Variants in LUZP2 observed in about 807,000 individuals in gnomAD.
The protein encoded by LUZP2 is leucine zipper protein 2.
Under a neutral mutation model 51.6 loss-of-function variants are expected in LUZP2, and 52 were observed. The ratio of observed to expected loss-of-function variants is 1.01; its 90% CI spans 0.81 to 1.27. The LOEUF is 1.27. LUZP2 is among the 50% of genes most tolerant of loss of function. The pLI, the probability that LUZP2 is intolerant of heterozygous loss-of-function variation, is 0.00. For missense variants in LUZP2, 436 were observed against 395.4 expected (o/e 1.10, Z -0.87); for synonymous variants, 154 against 137.3 (o/e 1.12, Z -0.85).
intron 7 of LUZP2, among the ~76,000 whole-genome samples, chr11:24,972,955 G>A (rs1855786524): frequency 6.6e-6 from 1 of 151,914 alleles, no homozygotes; most frequent in Non-Finnish European, 1.5e-5. Flanking sequence ...GCATTGGGGA[G>A]GAGTCCTTCC....
intron 5 of LUZP2, among the ~76,000 whole-genome samples, chr11:24,811,962 T>G (rs2134137602): frequency 6.6e-6 from 1 of 152,214 alleles, no homozygotes. Flanking sequence ...CCTGAGAAAC[T>G]ATGTAAAACA....
At chr11:24,683,995 AT>A (rs1590344342) in intron 1 of LUZP2, among the ~76,000 whole-genome samples, 2 of 152,196 alleles carry the variant, frequency 1.3e-5, no homozygotes, top group East Asian at 3.9e-4. Flanking sequence ...TGCCTGATAT[AT>A]GTTCTATATC....
chr11:25,026,579 T>C (rs1400949333), intron 9 of LUZP2, among the ~76,000 whole-genome samples: 3 of 152,268 alleles, frequency 2.0e-5, no homozygotes, highest in Admixed American at 6.5e-5. Context: ...AGTATTAGCA[T>C]TGACTAATTA....
chr11:24,877,932 C>T (rs1331671581), intron 5 of LUZP2, among the ~76,000 whole-genome samples: 1 of 152,042 alleles, frequency 6.6e-6, no homozygotes, highest in East Asian at 1.9e-4. Flanking sequence ...CTGTAAATAA[C>T]AGGATCTCAT....
chr11:24,728,293 A>G (rs10767245), intron 1 of LUZP2, among the ~76,000 whole-genome samples: 56,351 of 151,620 alleles, frequency 0.37, 10,785 homozygotes, highest in African/African-American at 0.4. Context: ...TCCACAACAT[A>G]CAGGCAAAAG....
intron 1 of LUZP2, chr11:24,646,444 G>A (rs1565050689): frequency 4.9e-6 from 1 of 202,182 alleles, no homozygotes; most frequent in Non-Finnish European, 8.8e-6. Context: ...CATTGGTTTA[G>A]TTGCTTAGTG....
chr11:24,678,843 T>C (rs1856646553), intron 1 of LUZP2, among the ~76,000 whole-genome samples: 1 of 152,240 alleles, frequency 6.6e-6, no homozygotes, highest in Non-Finnish European at 1.5e-5. Context: ...AGAGAGTTCA[T>C]ATAATCATTG....
At chr11:24,895,737 T>C (rs567261597) in intron 5 of LUZP2, among the ~76,000 whole-genome samples, 2 of 152,360 alleles carry the variant, frequency 1.3e-5, no homozygotes, top group Admixed American at 1.3e-4. Flanking sequence ...ATGTACCACA[T>C]CCACCATTGT....
intron 5 of LUZP2, among the ~76,000 whole-genome samples, chr11:24,879,294 A>T (rs924855362): frequency 1.3e-5 from 2 of 152,154 alleles, no homozygotes; most frequent in African/African-American, 2.4e-5. Flanking sequence ...TATATGTACC[A>T]CATTTTCTTT....
At chr11:25,009,391 C>T (rs1856921435) in intron 9 of LUZP2, among the ~76,000 whole-genome samples, 1 of 151,940 alleles carries the variant, frequency 6.6e-6, no homozygotes, top group African/African-American at 2.4e-5. Flanking sequence ...ATTTGCATTG[C>T]ATATATATAT....
At chr11:25,046,668 A>T in intron 9 of LUZP2, among the ~76,000 whole-genome samples, 1 of 152,312 alleles carries the variant, frequency 6.6e-6, no homozygotes, top group South Asian at 2.1e-4. Context: ...GGTGATTAGA[A>T]TGATATGAGT....
At chr11:24,566,104 GA>G (rs1034674180) in intron 1 of LUZP2, among the ~76,000 whole-genome samples, 3 of 151,588 alleles carry the variant, frequency 2.0e-5, no homozygotes, top group African/African-American at 7.3e-5. Context: ...CCATGCACAT[GA>G]AAATAAAGCA....
At chr11:24,504,879 T>C (rs1030055590) in intron 1 of LUZP2, among the ~76,000 whole-genome samples, 1 of 152,150 alleles carries the variant, frequency 6.6e-6, no homozygotes, top group Admixed American at 6.5e-5. Context: ...ACATTACCCA[T>C]TTCTGTGACA....
intron 1 of LUZP2, among the ~76,000 whole-genome samples, chr11:24,686,858 A>G (rs555573512): frequency 6.6e-6 from 1 of 152,262 alleles, no homozygotes; most frequent in East Asian, 1.9e-4. Flanking sequence ...GACCCTGCTC[A>G]TGCTGCTTCC....
intron 10 of LUZP2, among the ~76,000 whole-genome samples, chr11:25,056,568 T>C (rs1858688979): frequency 6.6e-6 from 1 of 152,152 alleles, no homozygotes; most frequent in African/African-American, 2.4e-5. Context: ...CTTTGCTGTT[T>C]CCTAACATTG....
intron 5 of LUZP2, among the ~76,000 whole-genome samples, chr11:24,802,665 C>T (rs1234218470): frequency 6.6e-6 from 1 of 151,900 alleles, no homozygotes; most frequent in African/African-American, 2.4e-5. Flanking sequence ...TCCCCATCTC[C>T]CCCAGGGCCC....
rs567224205 is a variant in LUZP2, at chr11:25,065,704, A to G, written c.859-11625A>G. On this transcript the variant is annotated intron_variant, in intron 10 of 11. Coordinates refer to ENST00000336930, the MANE Select transcript of LUZP2 (RefSeq NM_001009909.4). ...GAAGAATTAAAAGAATGAAATTTCA[A>G]TAATTACTCCAGGTAGAGGAATGAG... Among the ~76,000 whole-genome samples the G allele has an allele frequency of 1.2e-4, 18 of 152,146 alleles. 1 individual carries two copies. The South Asian group carries it at 2.9e-3, about 25-fold the overall frequency.
At chr11:24,911,508 A>G (rs370676420) in intron 6 of LUZP2, among the ~76,000 whole-genome samples, 2 of 152,144 alleles carry the variant, frequency 1.3e-5, no homozygotes. Flanking sequence ...AGGAGATCCA[A>G]TGGTTTTTTA....
chr11:24,716,965 C>G (rs1168973329), intron 1 of LUZP2, among the ~76,000 whole-genome samples: 1 of 151,908 alleles, frequency 6.6e-6, no homozygotes, highest in East Asian at 1.9e-4. Flanking sequence ...CTTTCAAAAA[C>G]TCATTAATCT....
Sources: allele counts gnomAD v4.1 joint callset (sites outside exome capture counted in the v4.1 genomes callset), GRCh38; gene constraint gnomAD v4.1.1; transcripts MANE v1.5; gene names NCBI Gene and HGNC (gene_info 2026-07-23, HGNC 2026-07-21).